Variants in SLC44A5 observed in about 807,000 individuals in gnomAD.
SLC44A5 encodes solute carrier family 44 member 5.
Under a neutral mutation model 101.8 loss-of-function variants are expected in SLC44A5, and 57 were observed. That is an observed-to-expected ratio of 0.56 (90% CI 0.45 to 0.70). SLC44A5 has a LOEUF of 0.70. Among genes scored for constraint, SLC44A5 ranks in the 30% least tolerant of loss-of-function variants. The pLI is 0.00. For missense variants in SLC44A5, 737 were observed against 853.1 expected (o/e 0.86, Z 1.70); for synonymous variants, 281 against 290.9 (o/e 0.97, Z 0.35).
At chr1:75,211,654 C>A in intron 22 of SLC44A5, 102 bp from the exon 23 acceptor site, 1 of 824,192 alleles carries the variant, frequency 1.2e-6, no homozygotes, top group Non-Finnish European at 2.0e-6. Flanking sequence ...TTTTGAAGTA[C>A]TCTGTATGGG....
the SLC44A5 span, among the ~76,000 whole-genome samples, chr1:75,701,326 T>A: frequency 6.6e-6 from 1 of 152,202 alleles, no homozygotes; most frequent in African/African-American, 2.4e-5. Context: ...ATGGGCTTCA[T>A]CCCTGGGATG....
At chr1:75,468,303 G>T (rs538212382) in intron 2 of SLC44A5, among the ~76,000 whole-genome samples, 1 of 152,210 alleles carries the variant, frequency 6.6e-6, no homozygotes, top group South Asian at 2.1e-4. Context: ...TATGATCCAG[G>T]AATCCTACTG....
intron 5 of SLC44A5, among the ~76,000 whole-genome samples, chr1:75,277,771 ACTT>A (rs1032138450): frequency 1.6e-4 from 24 of 151,988 alleles, no homozygotes; most frequent in South Asian, 1.0e-3. Flanking sequence ...AGAGAAGAAT[ACTT>A]CTTCTTGACT....
intron 2 of SLC44A5, among the ~76,000 whole-genome samples, chr1:75,484,437 T>C (rs1459900515): frequency 1.3e-5 from 2 of 152,194 alleles, no homozygotes; most frequent in African/African-American, 4.8e-5. Context: ...CCATGCCTCA[T>C]ATCCAGCACA....
At chr1:75,497,246 G>T (rs1178514822) in intron 2 of SLC44A5, among the ~76,000 whole-genome samples, 1 of 151,976 alleles carries the variant, frequency 6.6e-6, no homozygotes, top group Non-Finnish European at 1.5e-5. Context: ...AGTGTCTATA[G>T]ACTGATGAAT....
In SLC44A5 at chr1:75,213,804, A is replaced by C. The variant is rs1166439546; in HGVS notation, c.1874-11T>G. On this transcript the variant is annotated splice_polypyrimidine_tract_variant and intron_variant, in intron 21 of 23. Coordinates refer to ENST00000370859, the MANE Select transcript of SLC44A5 (RefSeq NM_001130058.2). ...GGAAGGCCAGAACACCTACATTGAA[A>C]AGGTAGAACATGTATATTATACTTT... 3 of 1,597,080 alleles carry C rather than the reference A, an allele frequency of 1.9e-6. No individual in the cohort carries two copies. The Admixed American group carries it at 5.0e-5, about 27-fold the overall frequency.
At chr1:75,525,622 A>C (rs1305960043) in intron 2 of SLC44A5, among the ~76,000 whole-genome samples, 1 of 152,182 alleles carries the variant, frequency 6.6e-6, no homozygotes, top group Non-Finnish European at 1.5e-5. Flanking sequence ...GTTTGAAAAA[A>C]AGAGAGAGAA....
chr1:75,325,756 ATGCG>A (rs1403226687), intron 4 of SLC44A5, among the ~76,000 whole-genome samples: 5 of 45,968 alleles, frequency 1.1e-4, no homozygotes, highest in Non-Finnish European at 8.6e-5. Flanking sequence ...GTGTGCATGC[ATGCG>A]TGTGTGTGTG....
chr1:75,663,703 C>T, the SLC44A5 span, among the ~76,000 whole-genome samples: 2 of 152,160 alleles, frequency 1.3e-5, no homozygotes, highest in Admixed American at 6.5e-5. Flanking sequence ...CAGCTGAATA[C>T]TACCACACAT....
At chr1:75,294,503 C>T (rs1229791197) in intron 5 of SLC44A5, among the ~76,000 whole-genome samples, 1 of 152,134 alleles carries the variant, frequency 6.6e-6, no homozygotes, top group Non-Finnish European at 1.5e-5. Context: ...GATTTGAACT[C>T]AGTATGTTGA....
chr1:75,672,952 C>A, the SLC44A5 span, among the ~76,000 whole-genome samples: 270 of 152,236 alleles, frequency 1.8e-3, no homozygotes, highest in African/African-American at 5.7e-3. Flanking sequence ...TCAGCAGTAG[C>A]CCAGTAGTAC....
chr1:75,339,978 G>C (rs1289585460), intron 3 of SLC44A5, among the ~76,000 whole-genome samples: 1 of 152,156 alleles, frequency 6.6e-6, no homozygotes, highest in Non-Finnish European at 1.5e-5. Context: ...CCATCACCAA[G>C]TGTTGCTGAG....
chr1:75,281,310 A>C (rs952407257), intron 5 of SLC44A5, among the ~76,000 whole-genome samples: 4 of 152,116 alleles, frequency 2.6e-5, no homozygotes, highest in African/African-American at 9.7e-5. Flanking sequence ...CCCCTGCCCT[A>C]GAGATCTGTG....
chr1:75,431,115 T>C (rs1557776922), intron 2 of SLC44A5, among the ~76,000 whole-genome samples: 1 of 152,144 alleles, frequency 6.6e-6, no homozygotes, highest in Non-Finnish European at 1.5e-5. Flanking sequence ...ATCCAAACCG[T>C]TTTATTGAAC....
intron 6 of SLC44A5, among the ~76,000 whole-genome samples, chr1:75,261,747 A>G (rs555867982): frequency 1.3e-5 from 2 of 152,302 alleles, no homozygotes; most frequent in East Asian, 3.9e-4. Context: ...CCTGATGAAC[A>G]TGGATGCGAA....
rs995347162 is a variant in SLC44A5 at position 75,210,161 on chromosome 1, C to T, written c.2047+1307G>A. ...TCCTGGGCCCAGGTGATCCTCCCAC[C>T]TCAGCCTCCTGGGTAGCTAGGACTA... On this transcript the variant is annotated intron_variant, in intron 23 of 23. Coordinates refer to ENST00000370859, the MANE Select transcript of SLC44A5 (RefSeq NM_001130058.2). Among the ~76,000 whole-genome samples, 7 of 152,030 alleles carry T rather than the reference C, an allele frequency of 4.6e-5. No homozygotes were observed. The East Asian group carries it at 9.6e-4, about 21-fold the overall frequency.
rs57453178 is a variant in SLC44A5 at position 75,553,883 on chromosome 1, CAGGAGG to C, written c.-69-12373_-69-12368del. On this transcript the variant is annotated intron_variant, in intron 1 of 23. Coordinates refer to ENST00000370859, the MANE Select transcript of SLC44A5 (RefSeq NM_001130058.2). Reference sequence around the variant, plus strand: ...CTACCAGTAAGGAATCCTTGTGGAGCAGGAGGAGGAGGAGGAGGAGGAGGAGGAGGA... The same window carrying C: ...CTACCAGTAAGGAATCCTTGTGGAGCAGGAGGAGGAGGAGGAGGAGGAGGA... 1.2e-3 allele frequency among the ~76,000 whole-genome samples: 175 copies of C among 149,726 alleles called. 2 individuals are homozygous for C. The East Asian group carries it at 0.025, about 21-fold the overall frequency.
intron 1 of SLC44A5, among the ~76,000 whole-genome samples, chr1:75,599,375 T>C (rs1004487183): frequency 6.6e-6 from 1 of 152,054 alleles, no homozygotes; most frequent in South Asian, 2.1e-4. Context: ...AACAGAACAA[T>C]TGGAGACAGA....
upstream of SLC44A5, among the ~76,000 whole-genome samples, chr1:75,615,493 G>A (rs1291714169): frequency 6.7e-6 from 1 of 149,474 alleles, no homozygotes; most frequent in Non-Finnish European, 1.5e-5. Context: ...GGGAGAGAGA[G>A]AGAGATTCCG....
Sources: allele counts gnomAD v4.1 joint callset (sites outside exome capture counted in the v4.1 genomes callset), GRCh38; gene constraint gnomAD v4.1.1; transcripts MANE v1.5; gene names NCBI Gene and HGNC (gene_info 2026-07-23, HGNC 2026-07-21).